The following BSN variants were observed in gnomAD, a reference collection of about 807,000 sequenced individuals.
BSN encodes the protein protein bassoon.
A neutral mutation model predicts 264.8 loss-of-function variants in BSN; 57 were observed. The ratio of observed to expected loss-of-function variants is 0.22; its 90% CI spans 0.17 to 0.27. BSN has a LOEUF of 0.27. Among genes scored for constraint, BSN ranks in the 10% least tolerant of loss-of-function variants. The pLI, the probability that BSN is intolerant of heterozygous loss-of-function variation, is 1.00. For synonymous variants in BSN, 2,059 were observed against 2,137.3 expected (o/e 0.96, Z 1.01); for missense variants, 4,615 against 5,232.5 (o/e 0.88, Z 3.64).
chr3:49,591,951 G>C (rs560992149), intron 1 of BSN, among the ~76,000 whole-genome samples: 1 of 152,214 alleles, frequency 6.6e-6, no homozygotes, highest in East Asian at 1.9e-4. Flanking sequence ...CTCTGATAAA[G>C]TTGAGAGCCA....
intron 11 of BSN, among the ~76,000 whole-genome samples, chr3:49,666,649 G>A (rs192078999): frequency 1.2e-3 from 181 of 152,226 alleles, no homozygotes; most frequent in African/African-American, 4.0e-3. Flanking sequence ...GGACGACTGC[G>A]GTGGGATGAA....
chr3:49,653,050 C>G lies in BSN; in HGVS notation c.3494C>G (p.Thr1165Ser). Residue 1165 changes from threonine to serine, a missense_variant, in exon 5 of 12, where the codon ACC becomes AGC. Physicochemically the swap from Thr to Ser is moderately conservative, Grantham distance 58 (BLOSUM62 1). Around this residue, in one of 3 missense-constraint regions of BSN, gnomAD observed 3,415 missense variants for 3,866.4 expected, o/e 0.88. Transcript: ENST00000296452. The surrounding 1 kb of genome is among the most constrained non-coding windows in gnomAD (Gnocchi z 6.3). Reference sequence around the variant, plus strand: ...ACCTTCATGTCCCTCTACTCACCAACCGAGACACCCTCCGGCAGCTCCACC... The same window carrying G: ...ACCTTCATGTCCCTCTACTCACCAAGCGAGACACCCTCCGGCAGCTCCACC... Reference protein sequence around the residue: ...LPTFMSLYSPTETPSGSSTTP... With the variant: ...LPTFMSLYSPSETPSGSSTTP... The G allele has an allele frequency of 6.2e-7, 1 of 1,613,578 alleles. No homozygotes were observed. Among genetic ancestry groups the G allele is most frequent in the African/African-American group, 1.3e-5 (1 of 75,064 alleles).
intron 1 of BSN, among the ~76,000 whole-genome samples, chr3:49,614,596 G>C (rs2052244089): frequency 6.6e-6 from 1 of 152,158 alleles, no homozygotes; most frequent in Non-Finnish European, 1.5e-5. Flanking sequence ...CAAGAATATG[G>C]ATGTCACTTG....
chr3:49,644,833 G>A (rs1044575201), intron 3 of BSN, among the ~76,000 whole-genome samples: 4 of 152,210 alleles, frequency 2.6e-5, no homozygotes, highest in Non-Finnish European at 5.9e-5. Context: ...GGGGAAAACT[G>A]TCTCTGTCCA....
At chr3:49,609,089 C>CTT (rs35003449) in intron 1 of BSN, among the ~76,000 whole-genome samples, 207 of 88,970 alleles carry the variant, frequency 2.3e-3, no homozygotes, top group Non-Finnish European at 2.8e-3. Context: ...GTTAAATTGA[C>CTT]TTTTTTTTTT....
chr3:49,555,662 A>G (rs2051662545), intron 1 of BSN, among the ~76,000 whole-genome samples: 1 of 152,246 alleles, frequency 6.6e-6, no homozygotes, highest in Non-Finnish European at 1.5e-5. Context: ...TGAAGGCTGT[A>G]AGGGAATGCC....
At chr3:49,578,432 G>T (rs2108013469) in intron 1 of BSN, among the ~76,000 whole-genome samples, 1 of 150,864 alleles carries the variant, frequency 6.6e-6, no homozygotes, top group East Asian at 1.9e-4. Context: ...TTATAAGACG[G>T]AGTCTCGCTC....
intron 1 of BSN, among the ~76,000 whole-genome samples, chr3:49,605,802 A>T (rs1324736699): frequency 5.1e-5 from 4 of 77,940 alleles, no homozygotes; most frequent in Admixed American, 5.0e-4. Context: ...AAATATATTT[A>T]TATATATAAA....
intron 1 of BSN, among the ~76,000 whole-genome samples, chr3:49,595,485 G>A (rs1203970098): frequency 1.3e-5 from 2 of 151,330 alleles, no homozygotes; most frequent in African/African-American, 2.4e-5. Context: ...CACTGCGCCC[G>A]GCCTCACAAT....
In BSN at chr3:49,657,560, C is replaced by T. The variant is rs2052619375; in HGVS notation, c.8004C>T (p.Thr2668=). The part of the protein sequence containing the change: ...VRAMSSVGIQ[T]ISDCSVQTEP... ...CCATGAGCAGCGTGGGCATCCAGAC[C>T]ATCAGTGACTGCTCCGTGCAGACGG... The change falls in exon 5 of 12, where the codon ACC becomes ACT. Residue 2668 remains threonine, a synonymous_variant. Coordinates refer to ENST00000296452, the MANE Select transcript of BSN (RefSeq NM_003458.4). The T allele has an allele frequency of 6.2e-7, 1 of 1,613,176 alleles. No individual in the cohort carries two copies. The highest frequency in any genetic ancestry group is 8.5e-7 in the Non-Finnish European group (1 of 1,180,014).
intron 7 of BSN, 31 bp downstream of exon 7, chr3:49,663,697 C>T: frequency 6.2e-7 from 1 of 1,604,394 alleles, no homozygotes; most frequent in African/African-American, 1.3e-5. Context: ...TGGGTTGTAA[C>T]CAGGGAAGAT....
At chr3:49,631,750 C>T (rs1159598056) in intron 2 of BSN, among the ~76,000 whole-genome samples, 2 of 152,150 alleles carry the variant, frequency 1.3e-5, no homozygotes. Flanking sequence ...CATGCAGGTC[C>T]TGCTGGGCTT....
Position 49,662,476 on chromosome 3 carries a change from T to C in BSN, c.10631T>C (p.Val3544Ala). 6.2e-7 allele frequency: 1 copy of C among 1,613,698 alleles called. No individual in the cohort carries two copies. The highest frequency in any genetic ancestry group is 8.5e-7 in the Non-Finnish European group (1 of 1,180,016). The change falls in exon 6 of 12, where the codon GTC becomes GCC. Residue 3544 changes from valine to alanine, a missense_variant. Physicochemically the swap from Val to Ala is moderately conservative, Grantham distance 64. This residue lies in a region of BSN where 3,415 missense variants were observed against 3,866.4 expected (regional missense o/e 0.88). Coordinates refer to ENST00000296452, the MANE Select transcript of BSN (RefSeq NM_003458.4). ...TCCATGCCTGATGTCCAGGAACATGTCAAGGACGGACCTCGGGCCCACGCA... is the reference window on the plus strand; with the variant it reads ...TCCATGCCTGATGTCCAGGAACATGCCAAGGACGGACCTCGGGCCCACGCA... ...SHSMPDVQEH[V>A]KDGPRAHAYK...
chr3:49,657,167 C>T lies in BSN; in HGVS notation c.7611C>T (p.Asp2537=), dbSNP rs778507223. Residue 2537 remains aspartate, a synonymous_variant, in exon 5 of 12, where the codon GAC becomes GAT. Coordinates refer to ENST00000296452, the MANE Select transcript of BSN (RefSeq NM_003458.4). ...LHRGLPSSAS[D]MSLQTEEQWE... is the part of the protein sequence containing the mutation. ...GGGGTCTCCCCAGCTCTGCCTCAGA[C>T]ATGTCACTGCAAACGGAGGAGCAGT... The T allele has an allele frequency of 4.1e-5, 66 of 1,613,226 alleles. No individual in the cohort carries two copies. Among genetic ancestry groups the T allele is most frequent in the Middle Eastern group, 1.6e-4 (1 of 6,084 alleles).
chr3:49,664,578 T>A, intron 9 of BSN, 24 bp downstream of exon 9: 10 of 1,573,400 alleles, frequency 6.4e-6, no homozygotes, highest in Non-Finnish European at 8.6e-6. Flanking sequence ...GCAACTGGTC[T>A]GTGGTGGGTG....
At chr3:49,658,323 G>T in intron 5 of BSN, 127 bp downstream of exon 5, 1 of 1,171,786 alleles carries the variant, frequency 8.5e-7, no homozygotes, top group South Asian at 1.8e-5. Flanking sequence ...CCAGGGGAAA[G>T]AGTCAATGAG....
chr3:49,576,566 A>G (rs1397877550), intron 1 of BSN, among the ~76,000 whole-genome samples: 1 of 151,688 alleles, frequency 6.6e-6, no homozygotes, highest in African/African-American at 2.4e-5. Context: ...GATTACAGGC[A>G]CCCACCATGA....
chr3:49,656,556 C>T lies in BSN; in HGVS notation c.7000C>T (p.Gln2334Ter). The T allele has an allele frequency of 6.4e-7, 1 of 1,570,832 alleles. No homozygotes were observed. The highest frequency in any genetic ancestry group is 8.6e-7 in the Non-Finnish European group (1 of 1,158,846). The change falls in exon 5 of 12, where the codon CAG (glutamine) becomes TAG (stop). Residue 2334 changes from glutamine to a stop codon, truncating the protein, a stop_gained. Transcript: ENST00000296452. LOFTEE classifies it high-confidence loss of function. ...CCCAGCTCCTGCCCCACTAGCTGGC[C>T]AGAAGCCACCAGCAGATGCTGCTCC... ...GAPAPAPLAGQKPPADAAPGG... is the reference protein window; with the variant it reads ...GAPAPAPLAG
Position 49,660,382 on chromosome 3 carries a change from A to G in BSN, c.8641-104A>G. ...GTAAATCAGGGCACCAGCAAGATGG[A>G]ACCCAGCTCCTTCCCCAGCCCAGGC... On this transcript the variant is annotated intron_variant, in intron 5 of 11. Coordinates refer to ENST00000296452, the MANE Select transcript of BSN (RefSeq NM_003458.4). This position sits in a 1 kb window ranked among gnomAD's most constrained non-coding sequence, Gnocchi z 7.1. 6.7e-7 allele frequency: 1 copy of G among 1,494,626 alleles called. No homozygotes were observed. The highest frequency in any genetic ancestry group is 8.9e-7 in the Non-Finnish European group (1 of 1,123,686). The allele number at this position is 1,494,626 out of a possible 1,614,324, so 92.6% of individuals were successfully genotyped here.
Sources: allele counts gnomAD v4.1 joint callset (sites outside exome capture counted in the v4.1 genomes callset), GRCh38; gene constraint gnomAD v4.1.1; regional missense constraint gnomAD v4.1.1; non-coding constraint Gnocchi (gnomAD v3.1); transcripts MANE v1.5; gene names NCBI Gene and HGNC (gene_info 2026-07-23, HGNC 2026-07-21).